TGM1: variants seen among roughly 807,000 people sequenced by gnomAD.
TGM1 encodes transglutaminase 1, also known as protein-glutamine gamma-glutamyltransferase K.
In TGM1, 63 loss-of-function variants were observed where a neutral mutation model predicts 88.7. That is an observed-to-expected ratio of 0.71 (90% confidence interval 0.58 to 0.88). TGM1 has a LOEUF of 0.88. Ranked by LOEUF, TGM1 falls within the 40% of genes least tolerant of loss-of-function variation. The probability of loss-of-function intolerance (pLI) is 0.00; values close to 1 mark genes in which losing one functional copy is unlikely to be tolerated. For missense variants in TGM1, 996 were observed against 1,118.0 expected (o/e 0.89, Z 1.56); for synonymous variants, 415 against 431.1 (o/e 0.96, Z 0.46).
chr14:24,254,844 C>T lies in TGM1; in HGVS notation c.1928-20G>A, dbSNP rs753724173. 9.9e-6 allele frequency: 16 copies of T among 1,613,406 alleles called. No individual in the cohort carries two copies. The highest frequency in any genetic ancestry group is 4.0e-5 in the African/African-American group (3 of 74,920). ...GGTCCGCTGTGGAGAAGAGGCATGG[C>T]GTCACTGAGGCCTGCTTCCCTACAT... On this transcript the variant is annotated intron_variant, in intron 12 of 14. Transcript: ENST00000206765.
Position 24,256,067 on chromosome 14 carries a change from G to A in TGM1, c.1413C>T (p.Cys471=). 1 of 1,565,768 alleles carries A rather than the reference G, an allele frequency of 6.4e-7. No homozygotes were observed. Among genetic ancestry groups the A allele is most frequent in the Non-Finnish European group, 8.7e-7 (1 of 1,154,144 alleles). ...TPQETSSGIF[C]CGPCSVESIK... The stretch of plus-strand genomic sequence containing the variant: ...TGGACTCCACAGAGCAGGGGCCGCA[G>A]CAGAAGATGCCTAGAGAGTGAGGCG... The change falls in exon 10 of 15, where the codon TGC becomes TGT. Residue 471 remains cysteine, a synonymous_variant. Transcript: ENST00000206765.
In TGM1 at chr14:24,258,618, G is replaced by A. The variant is rs769950645; in HGVS notation, c.1215C>T (p.His405=). The change falls in exon 8 of 15, where the codon CAC becomes CAT. Residue 405 remains histidine, a synonymous_variant. Coordinates refer to ENST00000206765, the MANE Select transcript of TGM1 (RefSeq NM_000359.3). ...TRTVTNFNSA[H]DTDTSLTMDI... ...CCATGGTAAGGGATGTGTCTGTGTC[G>A]TGGGCGGAGTTGAAGTTGGTGACAG... 2.6e-5 allele frequency: 42 copies of A among 1,614,124 alleles called. No homozygotes were observed. Among genetic ancestry groups the A allele is most frequent in the Non-Finnish European group, 3.1e-5 (36 of 1,180,058 alleles).
intron 4 of TGM1, 36 bp downstream of exon 4, chr14:24,260,413 TC>T: frequency 6.2e-7 from 1 of 1,613,578 alleles, no homozygotes; most frequent in Non-Finnish European, 8.5e-7. Flanking sequence ...TGTCTTTCCC[TC>T]CCATCTACCC....
chr14:24,255,132 C>A lies in TGM1; in HGVS notation c.1767G>T (p.Val589=), dbSNP rs141134584. The change falls in exon 12 of 15, where the codon GTG becomes GTT. Residue 589 remains valine, a synonymous_variant. Transcript: ENST00000206765. The surrounding 1 kb of genome is among the most constrained non-coding windows in gnomAD (Gnocchi z 4.0). ...VAMQVEAQDA[V]MGQDLMVSVM... ...CAGAGACCATCAGATCCTGCCCCAT[C>A]ACCGCGTCCTGTGCCTCCACCTGCA... is the stretch of plus-strand genomic sequence containing the variant. The A allele has an allele frequency of 2.7e-5, 43 of 1,614,030 alleles. No individual in the cohort carries two copies. In the African/African-American group the frequency reaches 5.5e-4, roughly 21 times the overall value.
At chr14:24,258,235 G>A in intron 9 of TGM1, 50 bp downstream of exon 9, 1 of 1,476,274 alleles carries the variant, frequency 6.8e-7, no homozygotes, top group East Asian at 2.3e-5. Context: ...GTGTTAATCA[G>A]GTGGGGGAGA....
rs558433755 is a variant in TGM1 at position 24,252,223 on chromosome 14, C to T, written c.2225+1929G>A. 2.0e-4 allele frequency among the ~76,000 whole-genome samples: 31 copies of T among 152,310 alleles called. 1 individual carries two copies. In the South Asian group the frequency reaches 6.0e-3, roughly 29 times the overall value. Reference sequence around the variant, plus strand: ...TCCCAATTGTACTGGAGGCTCTGGTCTGGGCTCACAGCAGCTAAGGAGCCA... The same window carrying T: ...TCCCAATTGTACTGGAGGCTCTGGTTTGGGCTCACAGCAGCTAAGGAGCCA... On this transcript the variant is annotated intron_variant, in intron 14 of 14. Transcript: ENST00000206765.
Position 24,256,020 on chromosome 14 carries a change from A to C in TGM1, c.1460T>G (p.Met487Arg). The C allele has an allele frequency of 6.4e-7, 1 of 1,569,852 alleles. No homozygotes were observed. The highest frequency in any genetic ancestry group is 8.7e-7 in the Non-Finnish European group (1 of 1,156,022). ...AAAAATGAAAGGCGTGTCGTACTTC[A>C]TGTAGACCAGGCCATTCTTGATGGA... The part of the protein sequence containing the change: ...VESIKNGLVY[M>R]KYDTPFIFAE... Residue 487 changes from methionine (M) to arginine (R), a missense_variant, in exon 10 of 15, where the codon ATG becomes AGG. Physicochemically the swap from Met to Arg is moderately conservative, Grantham distance 91. Transcript: ENST00000206765.
At position 24,249,283 on chromosome 14, in the gene TGM1, G is replaced by T; in HGVS notation, c.*30C>A. ...CTTGGGGCAATGTCCTTGCTCATCT[G>T]ACTCCAGTCCCATTGCTCCTGGCAC... is the stretch of plus-strand genomic sequence containing the variant. On this transcript the variant is annotated 3_prime_UTR_variant, in exon 15 of 15. Transcript: ENST00000206765. The T allele has an allele frequency of 1.3e-6, 2 of 1,596,944 alleles. No homozygotes were observed. The highest frequency in any genetic ancestry group is 2.2e-5 in the South Asian group (2 of 90,684).
intron 3 of TGM1, among the ~76,000 whole-genome samples, chr14:24,261,035 T>C (rs560452919): frequency 6.6e-6 from 1 of 152,324 alleles, no homozygotes; most frequent in African/African-American, 2.4e-5. Flanking sequence ...CTGCCCCGTA[T>C]GAAAGGGCAG....
At chr14:24,250,694 C>T (rs1046667480) in intron 14 of TGM1, among the ~76,000 whole-genome samples, 1 of 152,226 alleles carries the variant, frequency 6.6e-6, no homozygotes, top group Non-Finnish European at 1.5e-5. Flanking sequence ...CCCCTGAGCA[C>T]CTCCTGCCTC....
At chr14:24,252,685 C>T (rs1259332604) in intron 14 of TGM1, among the ~76,000 whole-genome samples, 6 of 151,998 alleles carry the variant, frequency 3.9e-5, no homozygotes, top group African/African-American at 1.4e-4. Context: ...GGCCTAATGG[C>T]GAAGGTGGCA....
Position 24,262,357 on chromosome 14 carries a change from G to A in TGM1, c.-2-3C>T. Reference sequence around the variant, plus strand: ...GGAACGTGGCCCATCCATCATGCCTGTTAGGAAGAGGCAGGGTGGCTCCTT... The same window carrying A: ...GGAACGTGGCCCATCCATCATGCCTATTAGGAAGAGGCAGGGTGGCTCCTT... On this transcript the variant is annotated splice_polypyrimidine_tract_variant and splice_region_variant and intron_variant, in intron 1 of 14. Transcript: ENST00000206765. The A allele has an allele frequency of 6.2e-7, 1 of 1,613,456 alleles. No homozygotes were observed. Among genetic ancestry groups the A allele is most frequent in the East Asian group, 2.2e-5 (1 of 44,882 alleles).
At chr14:24,256,641 C>A (rs2139021395) in intron 9 of TGM1, among the ~76,000 whole-genome samples, 1 of 152,346 alleles carries the variant, frequency 6.6e-6, no homozygotes, top group Middle Eastern at 3.4e-3. Context: ...CCTTATCATA[C>A]TCAGGAGGCT....
chr14:24,254,681 G>C lies in TGM1; in HGVS notation c.2071C>G (p.Pro691Ala). The change falls in exon 13 of 15, where the codon CCA becomes GCA. Residue 691 changes from proline (P) to alanine (A), a missense_variant. Coordinates refer to ENST00000206765, the MANE Select transcript of TGM1 (RefSeq NM_000359.3). ...AKQHTFRLRT[P>A]DLSLTLLGAA... ...GCATTCACCGTGAGGGAGAGGTCTG[G>C]GGTGCGCAGACGGAAGGTGTGCTGC... 2 of 1,613,924 alleles carry C rather than the reference G, an allele frequency of 1.2e-6. No homozygotes were observed. The highest frequency in any genetic ancestry group is 1.7e-6 in the Non-Finnish European group (2 of 1,180,042).
At position 24,261,791 on chromosome 14, in the gene TGM1, C is replaced by A; in HGVS notation, c.412G>T (p.Glu138Ter). The change falls in exon 3 of 15, where the codon GAG (glutamate) becomes TAG (stop). Residue 138 changes from glutamate (E) to a stop codon, truncating the protein, a stop_gained. Transcript: ENST00000206765. LOFTEE classifies it high-confidence loss of function. ...GGCTGCCCGCGGCGCACTATCAGCT[C>A]GTCGTACTCATACTCGTCTGTGTGG... ...EHHTDEYEYD[E>*]LIVRRGQPFH... The A allele has an allele frequency of 1.2e-6, 2 of 1,614,090 alleles. No homozygotes were observed. The highest frequency in any genetic ancestry group is 1.1e-5 in the South Asian group (1 of 91,066).
intron 3 of TGM1, 101 bp downstream of exon 3, chr14:24,261,594 G>A (rs2040808787): frequency 9.9e-6 from 14 of 1,413,608 alleles, no homozygotes; most frequent in Admixed American, 3.4e-5. Context: ...CAGAGGTGAG[G>A]AGTGGGGCAG....
Position 24,255,440 on chromosome 14 carries a change from G to A in TGM1, c.1569C>T (p.Ile523=), listed in dbSNP as rs750955048. The change falls in exon 11 of 15, where the codon ATC becomes ATT. Residue 523 remains isoleucine, a synonymous_variant. Transcript: ENST00000206765. This position sits in a 1 kb window ranked among gnomAD's most constrained non-coding sequence, Gnocchi z 4.0. ...FKIVYVEEKA[I]GTLIVTKAIS... Reference sequence around the variant, plus strand: ...TGGCCTTTGTGACAATGAGTGTGCCGATGGCCTTCTCCTCCACATAAACAA... The same window carrying A: ...TGGCCTTTGTGACAATGAGTGTGCCAATGGCCTTCTCCTCCACATAAACAA... 3.1e-5 allele frequency: 50 copies of A among 1,613,966 alleles called. No individual in the cohort carries two copies. The South Asian group carries it at 3.3e-4, about 11-fold the overall frequency.
At chr14:24,256,121 G>A in intron 9 of TGM1, 44 bp from the exon 10 acceptor site, 2 of 1,492,752 alleles carry the variant, frequency 1.3e-6, no homozygotes, top group Non-Finnish European at 1.8e-6. Flanking sequence ...TGAGAAGGCG[G>A]AGAGGGCTCT....
Position 24,262,264 on chromosome 14 carries a change from T to C in TGM1, c.89A>G (p.Glu30Gly). 6.2e-7 allele frequency: 1 copy of C among 1,613,736 alleles called. No homozygotes were observed. Among genetic ancestry groups the C allele is most frequent in the Non-Finnish European group, 8.5e-7 (1 of 1,180,006 alleles). ...PTTPSPEPEP[E>G]PDGRSRRGGG... ...TCCTCTGCGAGAGCGTCCGTCTGGC[T>C]CTGGCTCTGGCTCTGGAGATGGCGT... The change falls in exon 2 of 15, where the codon GAG becomes GGG. Residue 30 changes from glutamate (E) to glycine (G), a missense_variant. Coordinates refer to ENST00000206765, the MANE Select transcript of TGM1 (RefSeq NM_000359.3).
Sources: allele counts gnomAD v4.1 joint callset (sites outside exome capture counted in the v4.1 genomes callset), GRCh38; gene constraint gnomAD v4.1.1; non-coding constraint Gnocchi (gnomAD v3.1); transcripts MANE v1.5; gene names NCBI Gene and HGNC (gene_info 2026-07-23, HGNC 2026-07-21).